Variants in ABHD4 observed in about 807,000 individuals in gnomAD.
The protein encoded by ABHD4 is abhydrolase domain containing 4, N-acyl phospholipase B.
A neutral mutation model predicts 42.3 loss-of-function variants in ABHD4; 35 were observed. The ratio of observed to expected loss-of-function variants is 0.83; its 90% CI spans 0.63 to 1.10. The LOEUF (loss-of-function observed/expected upper bound fraction) is 1.10. Among genes scored for constraint, ABHD4 ranks in the 50% least tolerant of loss-of-function variants. ABHD4 has a pLI of 0.00. For synonymous variants in ABHD4, 169 were observed against 170.6 expected, an observed-to-expected ratio of 0.99 and a Z score of 0.07; for missense variants, 389 against 454.8, an observed-to-expected ratio of 0.86 and a Z score of 1.32.
chr14:22,605,976 G>A, intron 4 of ABHD4: 1 of 548,162 alleles, frequency 1.8e-6, no homozygotes, highest in South Asian at 1.6e-5. Flanking sequence ...ATACAGGCCT[G>A]AAAATGAGAG....
intron 5 of ABHD4, among the ~76,000 whole-genome samples, chr14:22,608,707 G>T (rs1466491322): frequency 6.6e-6 from 1 of 152,090 alleles, no homozygotes; most frequent in African/African-American, 2.4e-5. Context: ...TTGTTTGTTT[G>T]TTTGTTTGTT....
At chr14:22,602,079 C>T (rs1010364255) in intron 2 of ABHD4, among the ~76,000 whole-genome samples, 1 of 151,454 alleles carries the variant, frequency 6.6e-6, no homozygotes, top group Non-Finnish European at 1.5e-5. Flanking sequence ...CCATTTCTCT[C>T]TTCCTCCCCT....
chr14:22,610,110 G>A (rs961958471), intron 6 of ABHD4, among the ~76,000 whole-genome samples, 200 bp downstream of exon 6: 1 of 151,938 alleles, frequency 6.6e-6, no homozygotes, highest in Non-Finnish European at 1.5e-5. Context: ...CAGGCTGGAG[G>A]GCAATGGTAC....
At chr14:22,605,158 G>A (rs867359202) in intron 4 of ABHD4, among the ~76,000 whole-genome samples, 1 of 152,192 alleles carries the variant, frequency 6.6e-6, no homozygotes, top group Admixed American at 6.5e-5. Context: ...AGAAAAGGAG[G>A]TGGAGGACCA....
chr14:22,599,613 T>G (rs535703019), intron 1 of ABHD4, among the ~76,000 whole-genome samples: 9 of 152,334 alleles, frequency 5.9e-5, no homozygotes, highest in African/African-American at 2.2e-4. Context: ...AGCAAAGTAA[T>G]TCTCCCACCA....
intron 4 of ABHD4, chr14:22,605,965 A>G: frequency 1.6e-6 from 1 of 616,266 alleles, no homozygotes; most frequent in South Asian, 1.5e-5. Context: ...CACATATTCT[A>G]ATACAGGCCT....
intron 1 of ABHD4, among the ~76,000 whole-genome samples, chr14:22,600,826 A>AGGG (rs1349707087): frequency 3.8e-5 from 5 of 133,178 alleles, no homozygotes; most frequent in Non-Finnish European, 6.6e-5. Context: ...CACGTCCAGC[A>AGGG]GGGGGGTGTG....
At chr14:22,601,831 A>G in intron 2 of ABHD4, 76 bp downstream of exon 2, 1 of 1,299,798 alleles carries the variant, frequency 7.7e-7, no homozygotes, top group Non-Finnish European at 1.1e-6. Context: ...AGAGCCTGCT[A>G]CATTGAGCCC....
chr14:22,604,246 TTTTTG>T (rs200667852), intron 4 of ABHD4, 167 bp downstream of exon 4: 36,395 of 858,064 alleles, frequency 0.042, 1,191 homozygotes, highest in South Asian at 0.077. Flanking sequence ...GTTTTTTGTT[TTTTTG>T]TTTTGTTTTG....
chr14:22,603,784 C>A, intron 3 of ABHD4, 22 bp downstream of exon 3: 1 of 1,562,748 alleles, frequency 6.4e-7, no homozygotes, highest in South Asian at 1.2e-5. Context: ...ATGGCTCCAT[C>A]CCTCGTGACC....
chr14:22,604,236 GT>G, intron 4 of ABHD4, 157 bp downstream of exon 4: 3 of 914,410 alleles, frequency 3.3e-6, no homozygotes, highest in East Asian at 2.7e-5. Flanking sequence ...GTTTGAGAAG[GT>G]TTTTTGTTTT....
chr14:22,601,534 C>A, intron 1 of ABHD4, 133 bp from the exon 2 acceptor site: 1 of 748,578 alleles, frequency 1.3e-6, no homozygotes, highest in Non-Finnish European at 2.3e-6. Flanking sequence ...TGCTGCCTGC[C>A]ATGGGGGGCA....
intron 5 of ABHD4, among the ~76,000 whole-genome samples, chr14:22,608,766 A>ATC (rs138239554): frequency 0.12 from 17,871 of 152,158 alleles, 1,779 homozygotes; most frequent in African/African-American, 0.27. Context: ...CAATGGCACG[A>ATC]TCTCGGCTCA....
At chr14:22,610,331 GTAC>G (rs2139274355) in intron 6 of ABHD4, among the ~76,000 whole-genome samples, 1 of 152,212 alleles carries the variant, frequency 6.6e-6, no homozygotes, top group Admixed American at 6.5e-5. Context: ...TGCTCGTATT[GTAC>G]TACCTTCATT....
Position 22,606,452 on chromosome 14 carries a change from A to T in ABHD4, c.671A>T (p.Asp224Val), listed in dbSNP as rs752074414. Residue 224 changes from aspartate to valine, a missense_variant, in exon 5 of 7, where the codon GAC becomes GTC. Asp to Val is a radical substitution (Grantham distance 152). Coordinates refer to ENST00000428304, the MANE Select transcript of ABHD4 (RefSeq NM_022060.3). ...GPGLVQRFRPDFKRKFADFFE... is the reference protein window; with the variant it reads ...GPGLVQRFRPVFKRKFADFFE... ...GGTCTGGTGCAGCGATTCCGGCCGG[A>T]CTTCAAACGCAAGTTTGCAGACTTC... 1.7e-5 allele frequency: 27 copies of T among 1,613,302 alleles called. No individual in the cohort carries two copies. The highest frequency in any genetic ancestry group is 2.1e-5 in the Non-Finnish European group (25 of 1,179,824).
intron 4 of ABHD4, among the ~76,000 whole-genome samples, chr14:22,604,529 G>C (rs947874189): frequency 6.6e-6 from 1 of 151,800 alleles, no homozygotes; most frequent in African/African-American, 2.4e-5. Context: ...TTACAGGCGT[G>C]AGCCACCGCG....
rs111896270 is a variant in ABHD4, at chr14:22,604,784, G to A, written c.640+705G>A. 4.3e-3 allele frequency among the ~76,000 whole-genome samples: 658 copies of A among 151,944 alleles called. 5 individuals are homozygous for A. The highest frequency in any genetic ancestry group is 0.015 in the African/African-American group (620 of 41,438). On this transcript the variant is annotated intron_variant, in intron 4 of 6. Transcript: ENST00000428304. ...CCCACCACACCTGGCTAATTTTTGT[G>A]TTTTCAGTAGAGACGGGGTTTCACC...
intron 6 of ABHD4, 82 bp from the exon 7 acceptor site, chr14:22,610,777 T>C: frequency 8.8e-7 from 1 of 1,133,508 alleles, no homozygotes; most frequent in Non-Finnish European, 1.3e-6. Context: ...CAAGCAAGTC[T>C]AAGGGGAAAA....
intron 4 of ABHD4, among the ~76,000 whole-genome samples, chr14:22,604,637 TCTCA>T (rs1244050449): frequency 2.6e-5 from 4 of 151,150 alleles, no homozygotes; most frequent in African/African-American, 9.8e-5. Context: ...GCTACCAGAG[TCTCA>T]CTCTATCTCC....
Sources: gnomAD v4.1 joint callset for allele counts (sites outside exome capture counted in the v4.1 genomes callset) on GRCh38, gnomAD v4.1.1 for gene constraint, MANE v1.5 for transcripts, NCBI Gene and HGNC (gene_info 2026-07-23, HGNC 2026-07-21) for gene names.